The following KCNA2 variants were observed in gnomAD, a reference collection of about 807,000 sequenced individuals.
KCNA2 encodes the protein potassium channel, voltage gated shaker related subfamily A, member 2.
A neutral mutation model predicts 33.4 loss-of-function variants in KCNA2; 11 were observed. That is an observed-to-expected ratio of 0.33 (90% CI 0.21 to 0.55). KCNA2 has a LOEUF of 0.55. Ranked by LOEUF, KCNA2 falls within the 20% of genes least tolerant of loss-of-function variation. The pLI, the probability that KCNA2 is intolerant of heterozygous loss-of-function variation, is 0.93. For synonymous variants in KCNA2, 222 were observed against 231.3 expected, an observed-to-expected ratio of 0.96 and a Z score of 0.37; for missense variants, 291 against 621.6, an observed-to-expected ratio of 0.47 and a Z score of 5.66.
chr1:110,601,805 T>C lies in KCNA2; in HGVS notation c.*1478A>G. On this transcript the variant is annotated 3_prime_UTR_variant, in exon 3 of 3. Coordinates refer to ENST00000316361, the MANE Select transcript of KCNA2 (RefSeq NM_004974.4). Reference sequence around the variant, plus strand: ...ATATATATATATATATGTGTGTGTGTGTGTGTGTGTGTGTGTGTGTGTGTA... The same window carrying C: ...ATATATATATATATATGTGTGTGTGCGTGTGTGTGTGTGTGTGTGTGTGTA... 8.0e-7 allele frequency: 1 copy of C among 1,256,340 alleles called. No individual in the cohort carries two copies. The highest frequency in any genetic ancestry group is 1.0e-6 in the Non-Finnish European group (1 of 1,002,746). 77.8% of individuals were successfully genotyped at this position (1,256,340 alleles called of 1,614,324 possible).
At chr1:110,609,219 A>G (rs1432285341), upstream of KCNA2, among the ~76,000 whole-genome samples, 1 of 152,180 alleles carries the variant, frequency 6.6e-6, no homozygotes, top group Non-Finnish European at 1.5e-5. Context: ...CCAAAGTCAG[A>G]TACTCTATCC....
At position 110,599,936 on chromosome 1, in the gene KCNA2, T is replaced by C; in HGVS notation, c.*3347A>G. On this transcript the variant is annotated 3_prime_UTR_variant, in exon 3 of 3. Transcript: ENST00000316361. The stretch of plus-strand genomic sequence containing the variant: ...AGGTTTCTGGTGGGAGGAAGGTGAA[T>C]TGGTAGAGACCCCATGCAATTCCTG... 4.1e-6 allele frequency: 4 copies of C among 985,290 alleles called. No individual in the cohort carries two copies. Among genetic ancestry groups the C allele is most frequent in the Non-Finnish European group, 4.8e-6 (4 of 829,910 alleles). The allele number at this position is 985,290 out of a possible 1,614,324, so 61.0% of individuals were successfully genotyped here. A position where few individuals can be genotyped will look rare whatever the true frequency, so the allele number is the denominator to read the frequency against.
Position 110,598,679 on chromosome 1 carries a change from G to T in KCNA2, c.*4604C>A. On this transcript the variant is annotated 3_prime_UTR_variant, in exon 3 of 3. Transcript: ENST00000316361. Reference sequence around the variant, plus strand: ...CAATCTAGAGGCACACTCCCGTGGGGCCCCTTTTAAAAGGCTAACCTCATG... The same window carrying T: ...CAATCTAGAGGCACACTCCCGTGGGTCCCCTTTTAAAAGGCTAACCTCATG... The T allele has an allele frequency of 1.0e-6, 1 of 985,280 alleles. No homozygotes were observed. The highest frequency in any genetic ancestry group is 1.2e-6 in the Non-Finnish European group (1 of 829,920). The allele number at this position is 985,280 out of a possible 1,614,324, so 61.0% of individuals were successfully genotyped here.
chr1:110,614,460 C>T (rs748186641), intron 1 of KCNA2, among the ~76,000 whole-genome samples: 4 of 152,200 alleles, frequency 2.6e-5, no homozygotes, highest in Admixed American at 6.5e-5. Flanking sequence ...CTAAGCCCCA[C>T]GTCCTTCTTC....
intron 1 of KCNA2, among the ~76,000 whole-genome samples, chr1:110,622,108 G>A (rs1429966549): frequency 2.0e-5 from 3 of 151,984 alleles, no homozygotes; most frequent in Non-Finnish European, 2.9e-5. Flanking sequence ...GAATAAAGAC[G>A]TATGAAATCA....
At chr1:110,612,843 C>G (rs534026528) in intron 1 of KCNA2, among the ~76,000 whole-genome samples, 1 of 152,214 alleles carries the variant, frequency 6.6e-6, no homozygotes, top group African/African-American at 2.4e-5. Context: ...TAAACTGCCT[C>G]GAAAGCTCTA....
chr1:110,631,152 G>GT, intron 1 of KCNA2, among the ~76,000 whole-genome samples: 1 of 152,184 alleles, frequency 6.6e-6, no homozygotes, highest in Non-Finnish European at 1.5e-5. Flanking sequence ...CCTTCGCAGA[G>GT]TACCTGGAGT....
In KCNA2 at chr1:110,604,331, A is replaced by G. The variant is rs1649500139; in HGVS notation, c.452T>C (p.Leu151Pro). The stretch of plus-strand genomic sequence containing the variant: ...TGAGCTCTCTGGGTATTCAAAGAGA[A>G]GCCACACTTGTCTCTGAAACTCATT... ...PENEFQRQVW[L>P]LFEYPESSGP... The change falls in exon 3 of 3, where the codon CTT (leucine) becomes CCT (proline). Residue 151 changes from leucine to proline, a missense_variant. Physicochemically the swap from Leu to Pro is moderately conservative, Grantham distance 98. This residue lies in a region of KCNA2 where 163 missense variants were observed against 273.5 expected (regional missense o/e 0.60). Coordinates refer to ENST00000316361, the MANE Select transcript of KCNA2 (RefSeq NM_004974.4). The surrounding 1 kb of genome is among the most constrained non-coding windows in gnomAD (Gnocchi z 7.6). The G allele has an allele frequency of 6.2e-7, 1 of 1,613,414 alleles. No individual in the cohort carries two copies. The highest frequency in any genetic ancestry group is 8.5e-7 in the Non-Finnish European group (1 of 1,179,864).
chr1:110,611,057 G>A (rs1442391519), upstream of KCNA2, among the ~76,000 whole-genome samples: 3 of 149,606 alleles, frequency 2.0e-5, no homozygotes, highest in Non-Finnish European at 4.5e-5. Flanking sequence ...AGGAAGGAAG[G>A]AAGGAAGGAA....
In KCNA2 at chr1:110,595,500, T is replaced by G. The variant is rs556725807; in HGVS notation, c.*7783A>C. Reference sequence around the variant, plus strand: ...GGCAGACACCCCTGCACCACTTCAATTGCTCCAGATACAGTGAAAAATCCC... The same window carrying G: ...GGCAGACACCCCTGCACCACTTCAAGTGCTCCAGATACAGTGAAAAATCCC... On this transcript the variant is annotated 3_prime_UTR_variant, in exon 3 of 3. Coordinates refer to ENST00000316361, the MANE Select transcript of KCNA2 (RefSeq NM_004974.4). The G allele has an allele frequency of 4.1e-6, 4 of 985,382 alleles. No individual in the cohort carries two copies. The African/African-American group carries it at 7.0e-5, about 17-fold the overall frequency. The allele number at this position is 985,382 out of a possible 1,614,324, so 61.0% of individuals were successfully genotyped here. A position where few individuals can be genotyped will look rare whatever the true frequency, so the allele number is the denominator to read the frequency against.
At chr1:110,627,767 T>A (rs527634696) in intron 1 of KCNA2, among the ~76,000 whole-genome samples, 1 of 151,746 alleles carries the variant, frequency 6.6e-6, no homozygotes, top group Non-Finnish European at 1.5e-5. Context: ...AAGTTCGAGA[T>A]TGCAGTGAGC....
intron 1 of KCNA2, among the ~76,000 whole-genome samples, chr1:110,626,064 T>TA (rs1449792301): frequency 6.6e-6 from 1 of 152,192 alleles, no homozygotes; most frequent in Non-Finnish European, 1.5e-5. Flanking sequence ...AAACTACAAA[T>TA]ACATTTACCC....
Position 110,601,126 on chromosome 1 carries a change from G to A in KCNA2, c.*2157C>T, listed in dbSNP as rs1649324987. Reference sequence around the variant, plus strand: ...GCACTCTACTTCTTCTGGGGGGTGGGAAATGATTCTTTACCCATCCTTTGG... The same window carrying A: ...GCACTCTACTTCTTCTGGGGGGTGGAAAATGATTCTTTACCCATCCTTTGG... On this transcript the variant is annotated 3_prime_UTR_variant, in exon 3 of 3. Coordinates refer to ENST00000316361, the MANE Select transcript of KCNA2 (RefSeq NM_004974.4). 1.0e-6 allele frequency: 1 copy of A among 985,326 alleles called. No individual in the cohort carries two copies. Among genetic ancestry groups the A allele is most frequent in the Non-Finnish European group, 1.2e-6 (1 of 829,964 alleles). 61.0% of individuals were successfully genotyped at this position (985,326 alleles called of 1,614,324 possible). A position where few individuals can be genotyped will look rare whatever the true frequency, so the allele number is the denominator to read the frequency against.
In KCNA2 at chr1:110,602,109, T is replaced by C. The variant is rs1557730629; in HGVS notation, c.*1174A>G. On this transcript the variant is annotated 3_prime_UTR_variant, in exon 3 of 3. Transcript: ENST00000316361. The stretch of plus-strand genomic sequence containing the variant: ...TAGGTTAATTCCTAAGGTGCAGTCA[T>C]GTGAGGTGTTCAGATGCTGCCTTCC... 1 of 1,550,594 alleles carries C rather than the reference T, an allele frequency of 6.4e-7. No homozygotes were observed. The highest frequency in any genetic ancestry group is 8.7e-7 in the Non-Finnish European group (1 of 1,146,992).
At chr1:110,609,910 G>A (rs1649812091), upstream of KCNA2, among the ~76,000 whole-genome samples, 1 of 152,200 alleles carries the variant, frequency 6.6e-6, no homozygotes, top group African/African-American at 2.4e-5. Flanking sequence ...GCCTCCTACT[G>A]TTCGTTTCCT....
At position 110,604,108 on chromosome 1, in the gene KCNA2, T is replaced by C; in HGVS notation, c.675A>G (p.Val225=). 2 of 1,614,136 alleles carry C rather than the reference T, an allele frequency of 1.2e-6. No individual in the cohort carries two copies. Among genetic ancestry groups the C allele is most frequent in the Non-Finnish European group, 1.7e-6 (2 of 1,180,014 alleles). ...AGAACCAGATGATGCAGAGTGTCTC[T>C]ACAATGAAGAAAGGGTCTGTGAAGG... The part of the protein sequence containing the change: ...STSFTDPFFI[V]ETLCIIWFSF... The change falls in exon 3 of 3, where the codon GTA becomes GTG. Residue 225 remains valine (V), a synonymous_variant. Transcript: ENST00000316361. The surrounding 1 kb of genome is among the most constrained non-coding windows in gnomAD (Gnocchi z 7.6).
intron 1 of KCNA2, among the ~76,000 whole-genome samples, chr1:110,624,720 T>C (rs1490484122): frequency 6.6e-6 from 1 of 152,218 alleles, no homozygotes; most frequent in Non-Finnish European, 1.5e-5. Context: ...GTTGAGATTG[T>C]GTTGCGAGTG....
chr1:110,607,018 G>A (rs1649672053), upstream of KCNA2, among the ~76,000 whole-genome samples: 1 of 151,846 alleles, frequency 6.6e-6, no homozygotes, highest in African/African-American at 2.4e-5. Context: ...ACCCCAGAGG[G>A]TCCCGAGCCC....
In KCNA2 at chr1:110,604,632, A is replaced by T. The variant is rs2101403936; in HGVS notation, c.151T>A (p.Leu51Ile). 6.2e-7 allele frequency: 1 copy of T among 1,614,138 alleles called. No individual in the cohort carries two copies. Among genetic ancestry groups the T allele is most frequent in the East Asian group, 2.2e-5 (1 of 44,874 alleles). ...AAGAGGGTCTCTGGAAACTGGGCTA[A>T]GGTCTTTAGCTGGGTCTCAAACCGC... ...GLRFETQLKT[L>I]AQFPETLLGD... Residue 51 changes from leucine (L) to isoleucine (I), a missense_variant, in exon 3 of 3, where the codon TTA (leucine) becomes ATA (isoleucine). By Grantham distance (5) the Leu-to-Ile change is conservative. Around this residue, in one of 5 missense-constraint regions of KCNA2, gnomAD observed 163 missense variants for 273.5 expected, o/e 0.60. Coordinates refer to ENST00000316361, the MANE Select transcript of KCNA2 (RefSeq NM_004974.4). The surrounding 1 kb of genome is among the most constrained non-coding windows in gnomAD (Gnocchi z 7.6).
Sources: gnomAD v4.1 joint callset for allele counts (sites outside exome capture counted in the v4.1 genomes callset) on GRCh38, gnomAD v4.1.1 for gene constraint, gnomAD v4.1.1 regional missense constraint, Gnocchi (gnomAD v3.1) non-coding constraint, MANE v1.5 for transcripts, NCBI Gene and HGNC (gene_info 2026-07-23, HGNC 2026-07-21) for gene names.